Variants in RIF1 observed in about 807,000 individuals in gnomAD.
RIF1 encodes the protein telomere-associated protein RIF1.
A neutral mutation model predicts 247.1 loss-of-function variants in RIF1; 45 were observed. That is an observed-to-expected ratio of 0.18 (90% confidence interval 0.14 to 0.23). The LOEUF (loss-of-function observed/expected upper bound fraction) is 0.23, where lower values mean the gene tolerates loss of function less well. Ranked by LOEUF, RIF1 falls within the 10% of genes least tolerant of loss-of-function variation. The pLI, the probability that RIF1 is intolerant of heterozygous loss-of-function variation, is 1.00. For missense variants in RIF1, 2,967 were observed against 2,862.5 expected (o/e 1.04, Z -0.83); for synonymous variants, 1,087 against 978.8 (o/e 1.11, Z -2.06).
chr2:151,439,887 C>G, intron 14 of RIF1, 140 bp from the exon 15 acceptor site: 1 of 513,004 alleles, frequency 1.9e-6, no homozygotes, highest in South Asian at 2.4e-5. Context: ...GCAGGAGAAT[C>G]GCTTGAACCC....
intron 11 of RIF1, among the ~76,000 whole-genome samples, chr2:151,499,867 G>A (rs950233269): frequency 1.3e-5 from 2 of 152,078 alleles, no homozygotes; most frequent in Non-Finnish European, 2.9e-5. Flanking sequence ...TTCAATATGT[G>A]GCATTGTCTA....
chr2:151,477,336 T>G lies in RIF1; in HGVS notation c.*2265T>G, dbSNP rs2048978304. On this transcript the variant is annotated 3_prime_UTR_variant, in exon 36 of 36. Coordinates refer to ENST00000444746, the MANE Select transcript of RIF1 (RefSeq NM_018151.5). ...GGTTAATAAAACAAATGTCAGATCA[T>G]AATAACACTCAAATGTGTCTTAATT... The G allele has an allele frequency of 6.6e-6, 1 of 152,184 alleles. No individual in the cohort carries two copies. Among genetic ancestry groups the G allele is most frequent in the Non-Finnish European group, 1.5e-5 (1 of 68,030 alleles). 9.4% of individuals were successfully genotyped at this position (152,184 alleles called of 1,614,324 possible).
At position 151,503,408 on chromosome 2, in the gene RIF1, G is replaced by A. The variant is rs193224180; in HGVS notation, c.*861+223G>A. On this transcript the variant is annotated intron_variant and NMD_transcript_variant, in intron 12 of 13. Coordinates refer to the RIF1 transcript ENST00000454583. ...TCAATCTCTGGAGTCACAGTGGTTG[G>A]AATGCCTGTTCCCAAGTTTTCTTTG... 1.8e-3 allele frequency: 2,924 copies of A among 1,612,560 alleles called. 6 individuals carry two copies. The highest frequency in any genetic ancestry group is 2.3e-3 in the Non-Finnish European group (2,706 of 1,178,790).
chr2:151,521,265 A>T, the RIF1 span, among the ~76,000 whole-genome samples: 1 of 152,218 alleles, frequency 6.6e-6, no homozygotes, highest in South Asian at 2.1e-4. Context: ...ACTTTGAATA[A>T]ATCCTCAGTG....
chr2:151,516,340 G>C, the RIF1 span: 1 of 624,638 alleles, frequency 1.6e-6, no homozygotes, highest in South Asian at 2.4e-5. Context: ...GTGATCACAT[G>C]ATAAAAAGTT....
At chr2:151,517,662 C>T in the RIF1 span, among the ~76,000 whole-genome samples, 3 of 152,116 alleles carry the variant, frequency 2.0e-5, no homozygotes, top group Non-Finnish European at 4.4e-5. Flanking sequence ...GCCTGTTGCT[C>T]CTAGGCTAGA....
At position 151,464,371 on chromosome 2, in the gene RIF1, G is replaced by A. The variant is rs202199714; in HGVS notation, c.4851G>A (p.Pro1617=). 64 of 1,609,682 alleles carry A rather than the reference G, an allele frequency of 4.0e-5. No homozygotes were observed. Among genetic ancestry groups the A allele is most frequent in the Non-Finnish European group, 4.8e-5 (57 of 1,178,824 alleles). Residue 1617 remains proline (P), a synonymous_variant, in exon 30 of 36, where the codon CCG becomes CCA. Coordinates refer to ENST00000444746, the MANE Select transcript of RIF1 (RefSeq NM_018151.5). ...TSEEDVSIKS[P]ICEKQDESNT... Reference sequence around the variant, plus strand: ...AAGAAGATGTAAGCATAAAATCTCCGATTTGCGAAAAACAAGATGAAAGTA... The same window carrying A: ...AAGAAGATGTAAGCATAAAATCTCCAATTTGCGAAAAACAAGATGAAAGTA...
At chr2:151,498,576 T>G (rs1294181898) in intron 10 of RIF1, among the ~76,000 whole-genome samples, 1 of 152,148 alleles carries the variant, frequency 6.6e-6, no homozygotes, top group Non-Finnish European at 1.5e-5. Flanking sequence ...AAAGAAAGGT[T>G]GTTATTTTCA....
chr2:151,446,696 A>C, intron 20 of RIF1, 121 bp downstream of exon 20: 2 of 987,496 alleles, frequency 2.0e-6, no homozygotes, highest in Non-Finnish European at 3.1e-6. Flanking sequence ...GATAAAGTTG[A>C]TACTGCAAAC....
intron 11 of RIF1, chr2:151,502,845 G>A: frequency 6.2e-7 from 1 of 1,608,376 alleles, no homozygotes; most frequent in Non-Finnish European, 8.5e-7. Context: ...TGGAGTGATA[G>A]GTGTTGGGAT....
chr2:151,457,708 CTG>C, intron 23 of RIF1, 51 bp from the exon 24 acceptor site: 1 of 1,319,574 alleles, frequency 7.6e-7, no homozygotes, highest in Non-Finnish European at 1.1e-6. Context: ...AACATATATT[CTG>C]TGAGTTAATA....
At chr2:151,462,219 T>TA in intron 27 of RIF1, 23 bp from the exon 28 acceptor site, 1 of 1,452,262 alleles carries the variant, frequency 6.9e-7, no homozygotes, top group Non-Finnish European at 9.5e-7. Flanking sequence ...TTTTTGAAGT[T>TA]ACTTATATAT....
the RIF1 span, chr2:151,514,420 G>A: frequency 6.2e-7 from 1 of 1,607,938 alleles, no homozygotes; most frequent in Non-Finnish European, 8.5e-7. Flanking sequence ...GATCTTTCCT[G>A]TACTCTTTCT....
At position 151,468,804 on chromosome 2, in the gene RIF1, T is replaced by C. The variant is rs368247496; in HGVS notation, c.6941+48T>C. ...TGCTTATATTCCAAGATGCCACTTATTTAAGAGGACTTATCTGATTGCTTG... is the reference window on the plus strand; with the variant it reads ...TGCTTATATTCCAAGATGCCACTTACTTAAGAGGACTTATCTGATTGCTTG... On this transcript the variant is annotated intron_variant, in intron 33 of 35. Transcript: ENST00000444746. 179 of 1,270,626 alleles carry C rather than the reference T, an allele frequency of 1.4e-4. No individual in the cohort carries two copies. In the Middle Eastern group the frequency reaches 1.7e-3, roughly 12 times the overall value. The allele number at this position is 1,270,626 out of a possible 1,614,324, so 78.7% of individuals were successfully genotyped here.
the RIF1 span, chr2:151,514,224 TTC>T: frequency 1.2e-6 from 1 of 819,640 alleles, no homozygotes; most frequent in Non-Finnish European, 2.1e-6. Flanking sequence ...TTTTTCTCTG[TTC>T]TCTGTTTTTG....
chr2:151,421,764 C>G (rs1688206659), intron 7 of RIF1, among the ~76,000 whole-genome samples: 1 of 151,920 alleles, frequency 6.6e-6, no homozygotes, highest in Non-Finnish European at 1.5e-5. Context: ...TGGTAATGTT[C>G]AGTATGACAC....
At chr2:151,513,846 G>C in the RIF1 span, among the ~76,000 whole-genome samples, 1 of 152,208 alleles carries the variant, frequency 6.6e-6, no homozygotes, top group Admixed American at 6.5e-5. Flanking sequence ...CCGTGTGGTA[G>C]GATGAAGTGG....
At chr2:151,512,893 T>G, downstream of RIF1, 1 of 1,211,340 alleles carries the variant, frequency 8.3e-7, no homozygotes, top group East Asian at 2.4e-5. Context: ...CAACAGTTGT[T>G]GGCTTGATTT....
At chr2:151,483,558 T>C (rs2049268012), downstream of RIF1, among the ~76,000 whole-genome samples, 1 of 152,216 alleles carries the variant, frequency 6.6e-6, no homozygotes, top group Non-Finnish European at 1.5e-5. Context: ...CAGTCATCCC[T>C]CAATATCCAT....
Sources: gnomAD v4.1 joint callset for allele counts (sites outside exome capture counted in the v4.1 genomes callset) on GRCh38, gnomAD v4.1.1 for gene constraint, MANE v1.5 for transcripts, NCBI Gene and HGNC (gene_info 2026-07-23, HGNC 2026-07-21) for gene names.